The following HPSE2 variants were observed in gnomAD, a reference collection of about 807,000 sequenced individuals.
The protein encoded by HPSE2 is inactive heparanase-2.
Under a neutral mutation model 60.5 loss-of-function variants are expected in HPSE2, and 38 were observed. The ratio of observed to expected loss-of-function variants is 0.63; its 90% CI spans 0.48 to 0.82. The LOEUF (loss-of-function observed/expected upper bound fraction) is 0.82, where lower values mean the gene tolerates loss of function less well. Among genes scored for constraint, HPSE2 ranks in the 40% least tolerant of loss-of-function variants. HPSE2 has a pLI of 0.00. For missense variants in HPSE2, 713 were observed against 740.4 expected (o/e 0.96, Z 0.43); for synonymous variants, 295 against 293.2 (o/e 1.01, Z -0.06).
chr10:99,059,138 C>A (rs773080991), intron 3 of HPSE2, among the ~76,000 whole-genome samples: 1 of 152,096 alleles, frequency 6.6e-6, no homozygotes, highest in African/African-American at 2.4e-5. Flanking sequence ...AGTTTGCAGA[C>A]CATACTAAAA....
At chr10:98,871,401 T>C (rs951721282) in intron 3 of HPSE2, among the ~76,000 whole-genome samples, 3 of 151,974 alleles carry the variant, frequency 2.0e-5, no homozygotes, top group Non-Finnish European at 4.4e-5. Context: ...CATATATCCA[T>C]AGAAGTGTTG....
chr10:98,695,488 A>T (rs1948188051), intron 5 of HPSE2, among the ~76,000 whole-genome samples: 1 of 152,200 alleles, frequency 6.6e-6, no homozygotes, highest in Non-Finnish European at 1.5e-5. Flanking sequence ...TTTACTACGT[A>T]CCTACTGAGT....
chr10:98,534,815 T>C (rs1337464591), intron 9 of HPSE2, among the ~76,000 whole-genome samples: 1 of 152,234 alleles, frequency 6.6e-6, no homozygotes. Flanking sequence ...GCTATAAACT[T>C]GGAGAGCAAT....
Position 98,459,179 on chromosome 10 carries a change from G to T in HPSE2, c.*395C>A. On this transcript the variant is annotated 3_prime_UTR_variant, in exon 12 of 12. Transcript: ENST00000370552. Reference sequence around the variant, plus strand: ...TTTTTCCTTCCTCATCTTCCTCTGAGGGCAGCAGCAGCAGCAGGCTAAGGT... The same window carrying T: ...TTTTTCCTTCCTCATCTTCCTCTGATGGCAGCAGCAGCAGCAGGCTAAGGT... The T allele has an allele frequency of 3.8e-6, 1 of 265,434 alleles. No individual in the cohort carries two copies. The highest frequency in any genetic ancestry group is 7.4e-6 in the Non-Finnish European group (1 of 134,726). 16.4% of individuals were successfully genotyped at this position (265,434 alleles called of 1,614,324 possible).
At chr10:98,463,319 C>T (rs1245166285) in intron 11 of HPSE2, among the ~76,000 whole-genome samples, 1 of 152,220 alleles carries the variant, frequency 6.6e-6, no homozygotes, top group Non-Finnish European at 1.5e-5. Flanking sequence ...CTCCAACGCT[C>T]ACTGTGGATC....
chr10:99,239,792 T>C (rs547000746), upstream of HPSE2, among the ~76,000 whole-genome samples: 10 of 152,186 alleles, frequency 6.6e-5, no homozygotes, highest in African/African-American at 2.2e-4. Context: ...ACTACTTATC[T>C]CTATTACTTT....
At chr10:98,732,615 C>T (rs952977580) in intron 4 of HPSE2, among the ~76,000 whole-genome samples, 8 of 151,934 alleles carry the variant, frequency 5.3e-5, no homozygotes, top group East Asian at 3.9e-4. Context: ...TACTTCACAA[C>T]GTTCACAAAA....
At chr10:98,760,284 G>A (rs187401902) in intron 3 of HPSE2, among the ~76,000 whole-genome samples, 59 of 151,708 alleles carry the variant, frequency 3.9e-4, no homozygotes, top group Admixed American at 5.9e-4. Flanking sequence ...GCCTTGGCAG[G>A]TTTCATTTCT....
intron 3 of HPSE2, among the ~76,000 whole-genome samples, chr10:98,859,186 A>T (rs1361095870): frequency 1.3e-5 from 2 of 152,210 alleles, no homozygotes; most frequent in East Asian, 1.9e-4. Flanking sequence ...TTATTTGTTT[A>T]TGTATTGCCT....
chr10:98,574,514 A>C (rs1357855292), intron 9 of HPSE2, among the ~76,000 whole-genome samples: 1 of 152,230 alleles, frequency 6.6e-6, no homozygotes. Flanking sequence ...CTTTCCTTGG[A>C]AAGTCCAAAT....
the HPSE2 span, among the ~76,000 whole-genome samples, chr10:99,296,415 C>A: frequency 6.6e-6 from 1 of 152,238 alleles, no homozygotes. Flanking sequence ...CTGCCCCTTT[C>A]TGCGGAAATG....
chr10:98,820,207 G>A (rs1340107497), intron 3 of HPSE2, among the ~76,000 whole-genome samples: 1 of 151,966 alleles, frequency 6.6e-6, no homozygotes, highest in Non-Finnish European at 1.5e-5. Flanking sequence ...TTTCCCCCAA[G>A]GATTGACTCT....
chr10:98,963,522 T>C (rs1440347243), intron 3 of HPSE2, among the ~76,000 whole-genome samples: 4 of 152,164 alleles, frequency 2.6e-5, no homozygotes, highest in African/African-American at 9.6e-5. Context: ...TATTAAATAG[T>C]GTTTCTGGCT....
In HPSE2 at chr10:98,528,649, T is replaced by A. The variant is rs190689048; in HGVS notation, c.1321-38453A>T. On this transcript the variant is annotated intron_variant, in intron 9 of 11. Transcript: ENST00000370552. ...ATGAAAGGAAGGAACTACGGAAACCTGGACACCCAGAATGAATTTCGGGAC... is the reference window on the plus strand; with the variant it reads ...ATGAAAGGAAGGAACTACGGAAACCAGGACACCCAGAATGAATTTCGGGAC... Among the ~76,000 whole-genome samples, 11 of 152,322 alleles carry A rather than the reference T, an allele frequency of 7.2e-5. No individual in the cohort carries two copies. The East Asian group carries it at 1.9e-3, about 27-fold the overall frequency.
intron 2 of HPSE2, among the ~76,000 whole-genome samples, chr10:99,146,698 T>C (rs1029278507): frequency 6.6e-6 from 1 of 151,870 alleles, no homozygotes; most frequent in East Asian, 1.9e-4. Flanking sequence ...CCACCTCTAC[T>C]AAAAATACAA....
intron 2 of HPSE2, among the ~76,000 whole-genome samples, chr10:99,148,717 G>A (rs909533882): frequency 1.3e-5 from 2 of 152,096 alleles, no homozygotes; most frequent in Non-Finnish European, 2.9e-5. Flanking sequence ...TTGAAATTGG[G>A]AGGCAGAAGC....
intron 9 of HPSE2, among the ~76,000 whole-genome samples, chr10:98,542,727 A>C (rs1943515053): frequency 6.6e-6 from 1 of 151,076 alleles, no homozygotes; most frequent in Non-Finnish European, 1.5e-5. Context: ...AAAGGGTATC[A>C]GCGATGGAAG....
intron 3 of HPSE2, among the ~76,000 whole-genome samples, chr10:98,769,851 GAAT>G (rs1950204256): frequency 6.6e-6 from 1 of 152,054 alleles, no homozygotes. Flanking sequence ...ACATGGGATG[GAAT>G]AATGAGTCAA....
intron 1 of HPSE2, among the ~76,000 whole-genome samples, chr10:99,233,107 T>G (rs558983828): frequency 6.6e-6 from 1 of 152,358 alleles, no homozygotes; most frequent in Non-Finnish European, 1.5e-5. Flanking sequence ...CCTTTTTCAC[T>G]ATATTGTAAA....
Sources: gnomAD v4.1 joint callset for allele counts (sites outside exome capture counted in the v4.1 genomes callset) on GRCh38, gnomAD v4.1.1 for gene constraint, MANE v1.5 for transcripts, NCBI Gene and HGNC (gene_info 2026-07-23, HGNC 2026-07-21) for gene names.